The following DYNC1I1 variants were observed in gnomAD, a reference collection of about 807,000 sequenced individuals.
DYNC1I1 encodes dynein cytoplasmic 1 intermediate chain 1.
DYNC1I1 carries 43 observed loss-of-function variants against 86.6 expected under a neutral mutation model. That is an observed-to-expected ratio of 0.50 (90% CI 0.39 to 0.64). The LOEUF (loss-of-function observed/expected upper bound fraction) is 0.64. Among genes scored for constraint, DYNC1I1 ranks in the 30% least tolerant of loss-of-function variants. The pLI is 0.00. For missense variants in DYNC1I1, 604 were observed against 788.8 expected, an observed-to-expected ratio of 0.77 and a Z score of 2.81; for synonymous variants, 262 against 283.7, an observed-to-expected ratio of 0.92 and a Z score of 0.77.
rs10590197 is a variant in DYNC1I1, at chr7:95,818,473, ATTTTTTT to A, written c.314+5151_314+5157del. On this transcript the variant is annotated intron_variant, in intron 4 of 16. Coordinates refer to ENST00000447467, the MANE Select transcript of DYNC1I1 (RefSeq NM_001135556.2). ...CATACCACCACACCCAGCTGATTTA[ATTTTTTT>A]TTTTTTTTTTTTTTGTAGAGACGAA... 1,195 of 574,164 alleles carry A rather than the reference ATTTTTTT, an allele frequency of 2.1e-3. 6 individuals are homozygous for A. The African/African-American group carries it at 0.021, about 10-fold the overall frequency. 35.6% of individuals were successfully genotyped at this position (574,164 alleles called of 1,614,324 possible).
intron 6 of DYNC1I1, among the ~76,000 whole-genome samples, chr7:95,908,402 G>C (rs1049014572): frequency 1.8e-4 from 27 of 152,020 alleles, no homozygotes; most frequent in Non-Finnish European, 4.0e-4. Context: ...AAAAAACACT[G>C]GTAGGCACTA....
chr7:95,781,387 C>T (rs1793989115), intron 1 of DYNC1I1, among the ~76,000 whole-genome samples: 1 of 152,064 alleles, frequency 6.6e-6, no homozygotes, highest in African/African-American at 2.4e-5. Flanking sequence ...CCTTGAGTAT[C>T]CCTTGTTTTT....
chr7:96,014,097 A>G (rs1408726043), intron 10 of DYNC1I1, among the ~76,000 whole-genome samples: 1 of 152,154 alleles, frequency 6.6e-6, no homozygotes, highest in Non-Finnish European at 1.5e-5. Context: ...CAGCTTAATG[A>G]CATTCAAATC....
At chr7:96,004,566 T>C (rs973477789) in intron 10 of DYNC1I1, among the ~76,000 whole-genome samples, 3 of 151,960 alleles carry the variant, frequency 2.0e-5, no homozygotes, top group African/African-American at 7.2e-5. Flanking sequence ...AAAATGTTCA[T>C]GATAAATATA....
intron 6 of DYNC1I1, among the ~76,000 whole-genome samples, chr7:95,879,377 T>C (rs1790391581): frequency 1.4e-5 from 2 of 145,322 alleles, no homozygotes; most frequent in Admixed American, 7.1e-5. Context: ...TTCTCCATTG[T>C]TCTTTTTTTT....
chr7:96,046,306 T>A (rs1789214726), intron 14 of DYNC1I1, among the ~76,000 whole-genome samples: 1 of 152,188 alleles, frequency 6.6e-6, no homozygotes, highest in Non-Finnish European at 1.5e-5. Flanking sequence ...TTAATCAAAA[T>A]TTGATTTTAA....
intron 15 of DYNC1I1, among the ~76,000 whole-genome samples, chr7:96,078,458 T>A (rs929326019): frequency 5.9e-5 from 9 of 152,178 alleles, no homozygotes; most frequent in African/African-American, 2.2e-4. Flanking sequence ...ATTTATGAAT[T>A]TTCTAGCGCA....
chr7:95,967,997 C>G (rs1793060544), intron 6 of DYNC1I1, among the ~76,000 whole-genome samples: 1 of 152,074 alleles, frequency 6.6e-6, no homozygotes, highest in African/African-American at 2.4e-5. Flanking sequence ...AAGACTAGGC[C>G]AAGGAACTCA....
chr7:95,934,269 G>C (rs888090929), intron 6 of DYNC1I1, among the ~76,000 whole-genome samples: 1 of 152,096 alleles, frequency 6.6e-6, no homozygotes, highest in Non-Finnish European at 1.5e-5. Flanking sequence ...TTCCTCTAGG[G>C]TATACCGGTA....
At chr7:95,957,118 G>T (rs1481729803) in intron 6 of DYNC1I1, among the ~76,000 whole-genome samples, 1 of 152,074 alleles carries the variant, frequency 6.6e-6, no homozygotes, top group Non-Finnish European at 1.5e-5. Context: ...TGCAATAGGG[G>T]CAATATAATG....
At position 96,080,309 on chromosome 7, in the gene DYNC1I1, A is replaced by G. The variant is rs1270077764; in HGVS notation, c.1651-54A>G. The G allele has an allele frequency of 9.9e-6, 15 of 1,521,650 alleles. No individual in the cohort carries two copies. The Admixed American group carries it at 1.1e-4, about 11-fold the overall frequency. 94.3% of individuals were successfully genotyped at this position (1,521,650 alleles called of 1,614,324 possible). The stretch of plus-strand genomic sequence containing the variant: ...GTTAAACGTATTATTGTAAATTTGT[A>G]TATTTAAATTCATATTCAGAGATTC... On this transcript the variant is annotated intron_variant, in intron 15 of 16. Coordinates refer to ENST00000447467, the MANE Select transcript of DYNC1I1 (RefSeq NM_001135556.2).
intron 6 of DYNC1I1, among the ~76,000 whole-genome samples, chr7:95,915,036 AAATG>A (rs1004792451): frequency 6.6e-6 from 1 of 152,202 alleles, no homozygotes; most frequent in Non-Finnish European, 1.5e-5. Flanking sequence ...CTTGACCCTG[AAATG>A]AATGATCTCA....
At chr7:95,787,930 C>T (rs1032619833) in intron 1 of DYNC1I1, among the ~76,000 whole-genome samples, 2 of 152,036 alleles carry the variant, frequency 1.3e-5, no homozygotes, top group Non-Finnish European at 2.9e-5. Context: ...GGGGAAAATG[C>T]GTAACAGGCA....
At chr7:96,015,266 A>C (rs552313493) in intron 10 of DYNC1I1, among the ~76,000 whole-genome samples, 1 of 152,290 alleles carries the variant, frequency 6.6e-6, no homozygotes, top group South Asian at 2.1e-4. Context: ...ACATATGTTT[A>C]GGAATTTATT....
At chr7:96,044,576 C>G (rs1789151559) in intron 14 of DYNC1I1, among the ~76,000 whole-genome samples, 1 of 151,764 alleles carries the variant, frequency 6.6e-6, no homozygotes, top group South Asian at 2.1e-4. Flanking sequence ...GAAAATGTTG[C>G]CACAAATGAA....
At chr7:95,805,963 G>T (rs1794692356) in intron 2 of DYNC1I1, among the ~76,000 whole-genome samples, 1 of 152,156 alleles carries the variant, frequency 6.6e-6, no homozygotes, top group African/African-American at 2.4e-5. Flanking sequence ...TTGCATTTTA[G>T]CCTTCTGGCA....
intron 6 of DYNC1I1, among the ~76,000 whole-genome samples, chr7:95,944,054 C>T (rs1584186148): frequency 6.6e-6 from 1 of 152,206 alleles, no homozygotes; most frequent in African/African-American, 2.4e-5. Context: ...AGCTCCTGCA[C>T]AGGAAAAGAA....
At chr7:96,074,578 T>A (rs1256531753) in intron 14 of DYNC1I1, among the ~76,000 whole-genome samples, 1 of 150,806 alleles carries the variant, frequency 6.6e-6, no homozygotes, top group African/African-American at 2.4e-5. Flanking sequence ...AAAAAAAGTT[T>A]CTTCAGTTCT....
intron 14 of DYNC1I1, among the ~76,000 whole-genome samples, chr7:96,046,336 T>C (rs1365256606): frequency 1.3e-5 from 2 of 152,226 alleles, no homozygotes; most frequent in African/African-American, 4.8e-5. Flanking sequence ...TTTGGAATAC[T>C]GTGGAAGATG....
Sources: allele counts gnomAD v4.1 joint callset (sites outside exome capture counted in the v4.1 genomes callset), GRCh38; gene constraint gnomAD v4.1.1; transcripts MANE v1.5; gene names NCBI Gene and HGNC (gene_info 2026-07-23, HGNC 2026-07-21).